Variants in GPD2 observed in about 807,000 individuals in gnomAD.
GPD2 encodes glycerol-3-phosphate dehydrogenase, mitochondrial.
A neutral mutation model predicts 82.4 loss-of-function variants in GPD2; 54 were observed. That is an observed-to-expected ratio of 0.66 (90% confidence interval 0.53 to 0.82). The LOEUF (loss-of-function observed/expected upper bound fraction) is 0.82. Ranked by LOEUF, GPD2 falls within the 40% of genes least tolerant of loss-of-function variation. GPD2 has a pLI of 0.00. For synonymous variants in GPD2, 288 were observed against 306.1 expected (o/e 0.94, Z 0.62); for missense variants, 748 against 896.2 (o/e 0.83, Z 2.11).
At chr2:156,514,983 T>C (rs1224094909) in intron 6 of GPD2, among the ~76,000 whole-genome samples, 2 of 152,222 alleles carry the variant, frequency 1.3e-5, no homozygotes, top group East Asian at 3.8e-4. Context: ...TGGAAATGTT[T>C]GTGGCCTTTC....
intron 6 of GPD2, among the ~76,000 whole-genome samples, chr2:156,521,899 G>GTT (rs748033805): frequency 2.9e-4 from 44 of 152,186 alleles, no homozygotes; most frequent in Middle Eastern, 6.8e-3. Flanking sequence ...CTTTCCTGTT[G>GTT]TATTTCTCCT....
At chr2:156,525,733 T>C (rs981714678) in intron 6 of GPD2, among the ~76,000 whole-genome samples, 1 of 152,230 alleles carries the variant, frequency 6.6e-6, no homozygotes, top group African/African-American at 2.4e-5. Flanking sequence ...TAAGTGTGGT[T>C]ATGTCACCAC....
chr2:156,417,566 A>G, the GPD2 span, among the ~76,000 whole-genome samples: 1 of 152,014 alleles, frequency 6.6e-6, no homozygotes, highest in Non-Finnish European at 1.5e-5. Context: ...AAACACTGTT[A>G]GTTCGTGAGA....
At chr2:156,478,371 T>C (rs991767170) in intron 2 of GPD2, among the ~76,000 whole-genome samples, 1 of 152,226 alleles carries the variant, frequency 6.6e-6, no homozygotes, top group African/African-American at 2.4e-5. Context: ...TACAGGCATA[T>C]GCAATCAATG....
At chr2:156,579,861 A>C (rs1314912980) in intron 16 of GPD2, 73 bp downstream of exon 16, 2 of 779,146 alleles carry the variant, frequency 2.6e-6, no homozygotes, top group Admixed American at 3.7e-5. Context: ...ATGCATGTTC[A>C]AGAATGGATA....
chr2:156,514,720 T>A (rs1685135598), intron 6 of GPD2, among the ~76,000 whole-genome samples: 1 of 152,122 alleles, frequency 6.6e-6, no homozygotes, highest in African/African-American at 2.4e-5. Flanking sequence ...AGGTAAACAT[T>A]AAAAGCTAGA....
chr2:156,441,143 T>G (rs1682160255), intron 1 of GPD2, among the ~76,000 whole-genome samples: 1 of 152,178 alleles, frequency 6.6e-6, no homozygotes, highest in Non-Finnish European at 1.5e-5. Context: ...TACATGGAGG[T>G]GCTGGAAGGA....
intron 4 of GPD2, among the ~76,000 whole-genome samples, chr2:156,511,367 C>G (rs1281246914): frequency 6.6e-6 from 1 of 152,198 alleles, no homozygotes; most frequent in Non-Finnish European, 1.5e-5. Flanking sequence ...TCATGCTTTT[C>G]TTATGTCACA....
At chr2:156,462,453 AT>A (rs35159143) in intron 1 of GPD2, among the ~76,000 whole-genome samples, 37,452 of 118,110 alleles carry the variant, frequency 0.32, 4,656 homozygotes, top group Middle Eastern at 0.41. Context: ...ACCCGGATAC[AT>A]TTTTTTTTTT....
upstream of GPD2, among the ~76,000 whole-genome samples, chr2:156,434,649 G>A (rs1048501877): frequency 7.9e-5 from 12 of 152,188 alleles, no homozygotes; most frequent in Admixed American, 7.9e-4. Flanking sequence ...GATAAATTTT[G>A]CATACCTCAC....
At chr2:156,462,179 T>C (rs1683010878) in intron 1 of GPD2, among the ~76,000 whole-genome samples, 1 of 152,230 alleles carries the variant, frequency 6.6e-6, no homozygotes, top group Non-Finnish European at 1.5e-5. Flanking sequence ...CCATGTTTTT[T>C]CAAGATAATG....
At chr2:156,474,061 T>G (rs2105197893) in intron 1 of GPD2, among the ~76,000 whole-genome samples, 1 of 152,312 alleles carries the variant, frequency 6.6e-6, no homozygotes. Flanking sequence ...AGACAGAGTC[T>G]TGTTCTGTCT....
At chr2:156,419,109 G>T in the GPD2 span, among the ~76,000 whole-genome samples, 1 of 141,768 alleles carries the variant, frequency 7.1e-6, no homozygotes, top group African/African-American at 2.6e-5. Flanking sequence ...GCCCAGGCTG[G>T]AGTGCAATGG....
At chr2:156,427,015 AT>A in the GPD2 span, among the ~76,000 whole-genome samples, 1 of 152,190 alleles carries the variant, frequency 6.6e-6, no homozygotes, top group Admixed American at 6.5e-5. Flanking sequence ...GAGAAATTGG[AT>A]TGTGATGCAA....
intron 13 of GPD2, among the ~76,000 whole-genome samples, chr2:156,575,727 G>A (rs1334344047): frequency 6.6e-6 from 1 of 152,006 alleles, no homozygotes; most frequent in African/African-American, 2.4e-5. Flanking sequence ...TTTAGATAGA[G>A]CAAGCAGATG....
At chr2:156,500,437 A>G (rs1274496944) in intron 3 of GPD2, among the ~76,000 whole-genome samples, 1 of 152,188 alleles carries the variant, frequency 6.6e-6, no homozygotes, top group Non-Finnish European at 1.5e-5. Context: ...CTGTTCATTC[A>G]TGGAATTTGC....
At chr2:156,555,497 C>T (rs1203815898) in intron 8 of GPD2, among the ~76,000 whole-genome samples, 3 of 152,002 alleles carry the variant, frequency 2.0e-5, no homozygotes, top group Admixed American at 1.3e-4. Flanking sequence ...GCATATAATT[C>T]GTTTATCAAT....
At position 156,444,861 on chromosome 2, in the gene GPD2, C is replaced by T. The variant is rs1573873186; in HGVS notation, c.-9+8348C>T. 2.0e-5 allele frequency among the ~76,000 whole-genome samples: 3 copies of T among 152,290 alleles called. No individual in the cohort carries two copies. The East Asian group carries it at 5.8e-4, about 29-fold the overall frequency. On this transcript the variant is annotated intron_variant, in intron 1 of 16. Transcript: ENST00000438166. ...TGCACTCCTACGTCACGCGATTCTT[C>T]TCCTCAACCTCCTGAGTAGCTAGAA...
chr2:156,585,127 T>C lies in GPD2; in HGVS notation c.*2209T>C, dbSNP rs1265996236. The C allele has an allele frequency of 6.6e-6, 1 of 152,150 alleles. No individual in the cohort carries two copies. Among genetic ancestry groups the C allele is most frequent in the East Asian group, 1.9e-4 (1 of 5,176 alleles). 9.4% of individuals were successfully genotyped at this position (152,150 alleles called of 1,614,324 possible). A position where few individuals can be genotyped will look rare whatever the true frequency, so the allele number is the denominator to read the frequency against. On this transcript the variant is annotated 3_prime_UTR_variant, in exon 17 of 17. Coordinates refer to ENST00000438166, the MANE Select transcript of GPD2 (RefSeq NM_000408.5). ...CAATCCCAGAGACTCAATTTGGAAATGAACTGATTTCAAGCCGTTACTGTG... is the reference window on the plus strand; with the variant it reads ...CAATCCCAGAGACTCAATTTGGAAACGAACTGATTTCAAGCCGTTACTGTG...
Sources: gnomAD v4.1 joint callset for allele counts (sites outside exome capture counted in the v4.1 genomes callset) on GRCh38, gnomAD v4.1.1 for gene constraint, MANE v1.5 for transcripts, NCBI Gene and HGNC (gene_info 2026-07-23, HGNC 2026-07-21) for gene names.